The following DTNBP1 variants were observed in gnomAD, a reference collection of about 807,000 sequenced individuals.
DTNBP1 encodes the protein dysbindin.
A neutral mutation model predicts 42.8 loss-of-function variants in DTNBP1; 35 were observed. The ratio of observed to expected loss-of-function variants is 0.82; its 90% CI spans 0.63 to 1.09. The LOEUF (loss-of-function observed/expected upper bound fraction) is 1.09. Among genes scored for constraint, DTNBP1 ranks in the 50% least tolerant of loss-of-function variants. DTNBP1 has a pLI of 0.00. For synonymous variants in DTNBP1, 171 were observed against 162.2 expected (o/e 1.05, Z -0.41); for missense variants, 457 against 424.2 (o/e 1.08, Z -0.68).
chr6:15,560,082 C>T (rs542554792), intron 7 of DTNBP1, among the ~76,000 whole-genome samples: 199 of 152,192 alleles, frequency 1.3e-3, no homozygotes, highest in African/African-American at 4.5e-3. Flanking sequence ...CTGAGGCAGG[C>T]GGATCACATG....
chr6:15,526,745 A>G (rs1772430801), intron 8 of DTNBP1, among the ~76,000 whole-genome samples: 1 of 152,196 alleles, frequency 6.6e-6, no homozygotes, highest in South Asian at 2.1e-4. Flanking sequence ...GCCTTTCGCC[A>G]AGGCCTGTCT....
intron 5 of DTNBP1, among the ~76,000 whole-genome samples, chr6:15,616,919 A>G (rs992023097): frequency 6.6e-6 from 1 of 152,246 alleles, no homozygotes; most frequent in Admixed American, 6.5e-5. Flanking sequence ...AAATAAATTC[A>G]GTAAAGTTGC....
intron 6 of DTNBP1, among the ~76,000 whole-genome samples, chr6:15,610,061 C>T (rs1293460013): frequency 6.6e-6 from 1 of 152,188 alleles, no homozygotes. Context: ...GTTTTCAATA[C>T]ATTTGTATGT....
intron 4 of DTNBP1, among the ~76,000 whole-genome samples, chr6:15,633,223 G>C (rs1350304535): frequency 6.6e-6 from 1 of 152,204 alleles, no homozygotes; most frequent in Non-Finnish European, 1.5e-5. Context: ...TCTGTAGCCT[G>C]TGAATTAAGG....
chr6:15,627,375 A>C lies in DTNBP1; in HGVS notation c.323T>G (p.Ile108Ser). Residue 108 changes from isoleucine (I) to serine (S), a missense_variant, in exon 5 of 10, where the codon ATC becomes AGC. Coordinates refer to ENST00000344537, the MANE Select transcript of DTNBP1 (RefSeq NM_032122.5). ...QEQLQQLPAL[I>S]ADLESMTANL... ...TGCTGTCATGGATTCTAAGTCTGCG[A>C]TTAAAGCTGGGAGCTGCTGGAGCTG... The C allele has an allele frequency of 6.2e-7, 1 of 1,613,922 alleles. No homozygotes were observed. The highest frequency in any genetic ancestry group is 1.3e-5 in the African/African-American group (1 of 75,060).
intron 6 of DTNBP1, among the ~76,000 whole-genome samples, chr6:15,606,976 G>A (rs1758095786): frequency 1.3e-5 from 2 of 151,432 alleles, no homozygotes; most frequent in African/African-American, 4.9e-5. Flanking sequence ...GATTCTGTGA[G>A]CAAGTAAGTT....
intron 7 of DTNBP1, among the ~76,000 whole-genome samples, chr6:15,554,074 T>C (rs923076012): frequency 5.9e-5 from 9 of 152,280 alleles, no homozygotes; most frequent in South Asian, 4.1e-4. Flanking sequence ...TTCCCCCCAG[T>C]TGACTGCTAT....
intron 3 of DTNBP1, among the ~76,000 whole-genome samples, chr6:15,644,824 A>G (rs1242746199): frequency 6.6e-6 from 1 of 152,102 alleles, no homozygotes; most frequent in Non-Finnish European, 1.5e-5. Flanking sequence ...GACTACACCA[A>G]AACACACAAA....
chr6:15,633,137 C>T (rs1759789260), intron 4 of DTNBP1, among the ~76,000 whole-genome samples: 1 of 152,216 alleles, frequency 6.6e-6, no homozygotes, highest in Non-Finnish European at 1.5e-5. Context: ...ATGTGTCCAG[C>T]ATGGAGACGC....
chr6:15,556,038 C>T lies in DTNBP1; in HGVS notation c.512-22643G>A, dbSNP rs1225082472. Among the ~76,000 whole-genome samples, 6 of 152,260 alleles carry T rather than the reference C, an allele frequency of 3.9e-5. No individual in the cohort carries two copies. The East Asian group carries it at 1.2e-3, about 29-fold the overall frequency. Reference sequence around the variant, plus strand: ...GTAGTATTTTGTCCAGGGTAAAGAACAGAATTGGGTTAGAGGCCCAACTTA... The same window carrying T: ...GTAGTATTTTGTCCAGGGTAAAGAATAGAATTGGGTTAGAGGCCCAACTTA... On this transcript the variant is annotated intron_variant, in intron 7 of 9. Coordinates refer to ENST00000344537, the MANE Select transcript of DTNBP1 (RefSeq NM_032122.5).
intron 7 of DTNBP1, among the ~76,000 whole-genome samples, chr6:15,571,376 G>A (rs1775333369): frequency 6.6e-6 from 1 of 152,202 alleles, no homozygotes; most frequent in Non-Finnish European, 1.5e-5. Flanking sequence ...GACTGAACAA[G>A]TATATCACCT....
intron 7 of DTNBP1, among the ~76,000 whole-genome samples, chr6:15,554,963 C>T (rs1039056174): frequency 1.3e-5 from 2 of 151,724 alleles, no homozygotes; most frequent in Non-Finnish European, 2.9e-5. Context: ...TTGAAATCAG[C>T]GGTGGAGTCT....
intron 8 of DTNBP1, 73 bp from the exon 9 acceptor site, chr6:15,524,742 T>C: frequency 6.3e-7 from 1 of 1,578,450 alleles, no homozygotes; most frequent in South Asian, 1.1e-5. Flanking sequence ...TCCATTGGCA[T>C]TAGGCTAACT....
intron 8 of DTNBP1, among the ~76,000 whole-genome samples, chr6:15,527,411 AATT>A (rs1772483910): frequency 6.6e-6 from 1 of 152,210 alleles, no homozygotes; most frequent in Non-Finnish European, 1.5e-5. Flanking sequence ...TCACACATCT[AATT>A]ATTTTTAAAA....
chr6:15,659,795 G>T (rs988698951), intron 1 of DTNBP1, among the ~76,000 whole-genome samples: 1 of 151,928 alleles, frequency 6.6e-6, no homozygotes, highest in South Asian at 2.1e-4. Context: ...CTCATGATCC[G>T]CCTGCTTCGG....
At chr6:15,525,776 C>T (rs893130208) in intron 8 of DTNBP1, among the ~76,000 whole-genome samples, 13 of 152,132 alleles carry the variant, frequency 8.5e-5, no homozygotes, top group Admixed American at 3.3e-4. Context: ...ATAAAAGGTA[C>T]GAAAGATGCA....
chr6:15,620,848 A>G (rs1374329328), intron 5 of DTNBP1, among the ~76,000 whole-genome samples: 2 of 152,210 alleles, frequency 1.3e-5, no homozygotes, highest in Non-Finnish European at 2.9e-5. Context: ...GCAATGTGAT[A>G]CCTCGTCTGT....
At chr6:15,617,326 A>G (rs1294104538) in intron 5 of DTNBP1, among the ~76,000 whole-genome samples, 1 of 152,196 alleles carries the variant, frequency 6.6e-6, no homozygotes, top group Admixed American at 6.5e-5. Flanking sequence ...TGCAATCCCT[A>G]TCAAAACACC....
At chr6:15,633,778 C>A (rs192977641) in intron 4 of DTNBP1, among the ~76,000 whole-genome samples, 2 of 151,868 alleles carry the variant, frequency 1.3e-5, no homozygotes, top group Non-Finnish European at 2.9e-5. Context: ...CCTGATCAGT[C>A]GGCAGCTATA....
Sources: allele counts gnomAD v4.1 joint callset (sites outside exome capture counted in the v4.1 genomes callset), GRCh38; gene constraint gnomAD v4.1.1; transcripts MANE v1.5; gene names NCBI Gene and HGNC (gene_info 2026-07-23, HGNC 2026-07-21).